Variants in MORN1 observed in about 807,000 individuals in gnomAD.
MORN1 encodes MORN repeat containing 1, also known as MORN repeat-containing protein 1.
Under a neutral mutation model 61.9 loss-of-function variants are expected in MORN1, and 67 were observed. The observed-to-expected ratio is 1.08, with a 90% CI of 0.89 to 1.33. MORN1 has a LOEUF of 1.33. Ranked by LOEUF, MORN1 falls within the 40% of genes most tolerant of loss-of-function variation. MORN1 has a pLI of 0.00. For missense variants in MORN1, 752 were observed against 691.2 expected, an observed-to-expected ratio of 1.09 and a Z score of -0.99; for synonymous variants, 301 against 292.0, an observed-to-expected ratio of 1.03 and a Z score of -0.31.
chr1:2,341,897 T>G (rs1569947589), intron 10 of MORN1, among the ~76,000 whole-genome samples: 1 of 152,168 alleles, frequency 6.6e-6, no homozygotes, highest in East Asian at 1.9e-4. Context: ...AGACACATTC[T>G]GTGATGGATG....
chr1:2,365,772 A>G (rs1349114513), intron 8 of MORN1, among the ~76,000 whole-genome samples: 1 of 152,224 alleles, frequency 6.6e-6, no homozygotes, highest in African/African-American at 2.4e-5. Context: ...CAAAACCACA[A>G]TGAGATACCA....
chr1:2,389,783 C>T (rs556832803), intron 2 of MORN1, 142 bp downstream of exon 2: 2 of 745,502 alleles, frequency 2.7e-6, no homozygotes, highest in South Asian at 3.3e-5. Context: ...CAGCCTTACC[C>T]TGAGCAGCCA....
At position 2,374,526 on chromosome 1, in the gene MORN1, A is replaced by C. The variant is rs200641747; in HGVS notation, c.569T>G (p.Leu190Arg). 64 of 1,601,986 alleles carry C rather than the reference A, an allele frequency of 4.0e-5. No individual in the cohort carries two copies. Among genetic ancestry groups the C allele is most frequent in the Non-Finnish European group, 3.7e-5 (44 of 1,175,018 alleles). ...GQWHSDVFSG[L>R]GSMAHCSGVT... is the part of the protein sequence containing the mutation. ...CCCTGAGCAGTGGGCCATGCTGCCCAGTCCACTGAAGACGTCGCTGTGCCA... is the reference window on the plus strand; with the variant it reads ...CCCTGAGCAGTGGGCCATGCTGCCCCGTCCACTGAAGACGTCGCTGTGCCA... The change falls in exon 7 of 14, where the codon CTG becomes CGG. Residue 190 changes from leucine (L) to arginine (R), a missense_variant. Leu to Arg is a moderately radical substitution (Grantham distance 102). Coordinates refer to ENST00000378531, the MANE Select transcript of MORN1 (RefSeq NM_024848.3).
intron 10 of MORN1, among the ~76,000 whole-genome samples, chr1:2,345,857 A>ACACACACAC (rs1298968582): frequency 6.0e-5 from 6 of 99,822 alleles, no homozygotes; most frequent in Admixed American, 4.7e-4. Flanking sequence ...ACACACACAG[A>ACACACACAC]TGTTTGCTCT....
At chr1:2,387,609 C>G in intron 3 of MORN1, 80 bp from the exon 4 acceptor site, 4 of 977,270 alleles carry the variant, frequency 4.1e-6, no homozygotes, top group Non-Finnish European at 6.5e-6. Context: ...CTGTCCCTGG[C>G]CCATGACACG....
intron 10 of MORN1, among the ~76,000 whole-genome samples, chr1:2,353,782 G>A (rs1464015506): frequency 6.6e-6 from 1 of 152,238 alleles, no homozygotes; most frequent in Admixed American, 6.5e-5. Context: ...CCGGGGCAGG[G>A]AGGCCACATG....
chr1:2,371,505 A>G (rs1231666579), intron 8 of MORN1: 1 of 152,288 alleles, frequency 6.6e-6, no homozygotes, highest in African/African-American at 2.4e-5. Context: ...CAGCTATTAC[A>G]AAAAGACACA....
chr1:2,323,957 C>A (rs1640939892), intron 13 of MORN1, 140 bp downstream of exon 13: 1 of 1,429,218 alleles, frequency 7.0e-7, no homozygotes, highest in Non-Finnish European at 9.2e-7. Context: ...CCTGGCTGCT[C>A]CCCAGTCCCC....
At chr1:2,340,251 G>A (rs1641367270) in intron 10 of MORN1, among the ~76,000 whole-genome samples, 1 of 152,080 alleles carries the variant, frequency 6.6e-6, no homozygotes, top group South Asian at 2.1e-4. Context: ...CAAGCACCAC[G>A]TTCAGCCAGA....
At chr1:2,342,424 C>T (rs192024053) in intron 10 of MORN1, among the ~76,000 whole-genome samples, 4 of 152,356 alleles carry the variant, frequency 2.6e-5, no homozygotes, top group East Asian at 1.9e-4. Context: ...AAACATAAAA[C>T]GTTATTGGCC....
rs1044296370 is a variant in MORN1, at chr1:2,322,298, G to A, written c.1298-719C>T. On this transcript the variant is annotated intron_variant, in intron 13 of 13. Transcript: ENST00000378531. Reference sequence around the variant, plus strand: ...CCCTGAGCCTGCCGGGGCTGGCACCGGAGCGTGGAAAAAGCGCCTCGGCTG... The same window carrying A: ...CCCTGAGCCTGCCGGGGCTGGCACCAGAGCGTGGAAAAAGCGCCTCGGCTG... The A allele has an allele frequency of 6.2e-5, 61 of 985,412 alleles. No homozygotes were observed. In the African/African-American group the frequency reaches 8.0e-4, roughly 13 times the overall value. The allele number at this position is 985,412 out of a possible 1,614,324, so 61.0% of individuals were successfully genotyped here.
intron 10 of MORN1, among the ~76,000 whole-genome samples, chr1:2,344,117 A>G (rs1243960391): frequency 6.6e-6 from 1 of 152,220 alleles, no homozygotes; most frequent in Admixed American, 6.5e-5. Context: ...GAATCAGGCC[A>G]CAAATGCCCT....
intron 6 of MORN1, among the ~76,000 whole-genome samples, chr1:2,384,766 G>C (rs1308411365): frequency 6.6e-6 from 1 of 152,340 alleles, no homozygotes; most frequent in Non-Finnish European, 1.5e-5. Flanking sequence ...GTATACACAA[G>C]GCACACATAT....
intron 10 of MORN1, chr1:2,351,694 C>A: frequency 2.2e-6 from 1 of 446,812 alleles, no homozygotes. Context: ...GGTTGCTTCG[C>A]ATTCTTTAGT....
intron 10 of MORN1, chr1:2,355,132 G>A (rs956077511): frequency 7.3e-6 from 8 of 1,090,066 alleles, no homozygotes; most frequent in East Asian, 6.3e-5. Flanking sequence ...GGTTTCAATC[G>A]AGACTTTGGC....
chr1:2,361,170 C>A (rs1233835602), intron 8 of MORN1, among the ~76,000 whole-genome samples: 1 of 152,128 alleles, frequency 6.6e-6, no homozygotes, highest in Non-Finnish European at 1.5e-5. Context: ...AAAACTGACA[C>A]GGATGTTAGA....
chr1:2,378,365 GT>G (rs1642290900), intron 6 of MORN1: 1 of 155,726 alleles, frequency 6.4e-6, no homozygotes, highest in African/African-American at 2.4e-5. Flanking sequence ...CACCCCAGGA[GT>G]CCCCCACTGG....
At chr1:2,321,644 C>G in intron 13 of MORN1, 65 bp from the exon 14 acceptor site, 1 of 1,422,820 alleles carries the variant, frequency 7.0e-7, no homozygotes, top group Non-Finnish European at 9.2e-7. Flanking sequence ...GGCCTCAGCC[C>G]ACTGCCCACT....
At position 2,390,148 on chromosome 1, in the gene MORN1, T is replaced by C. The variant is rs547414181; in HGVS notation, c.77-152A>G. 8.5e-6 allele frequency: 6 copies of C among 707,866 alleles called. No homozygotes were observed. The Admixed American group carries it at 1.5e-4, about 18-fold the overall frequency. 43.8% of individuals were successfully genotyped at this position (707,866 alleles called of 1,614,324 possible). A position where few individuals can be genotyped will look rare whatever the true frequency, so the allele number is the denominator to read the frequency against. ...GACCAGAGGCGACCTGTGGGGCTCATGAGCTCTCCTGTCGACTGTTGGGCC... is the reference window on the plus strand; with the variant it reads ...GACCAGAGGCGACCTGTGGGGCTCACGAGCTCTCCTGTCGACTGTTGGGCC... On this transcript the variant is annotated intron_variant, in intron 1 of 13. Coordinates refer to ENST00000378531, the MANE Select transcript of MORN1 (RefSeq NM_024848.3).
Sources: gnomAD v4.1 joint callset for allele counts (sites outside exome capture counted in the v4.1 genomes callset) on GRCh38, gnomAD v4.1.1 for gene constraint, MANE v1.5 for transcripts, NCBI Gene and HGNC (gene_info 2026-07-23, HGNC 2026-07-21) for gene names.